The following DLC1 variants were observed in gnomAD, a reference collection of about 807,000 sequenced individuals.
DLC1 encodes the protein DLC1 Rho GTPase activating protein.
DLC1 carries 54 observed loss-of-function variants against 140.3 expected under a neutral mutation model. The observed-to-expected ratio is 0.38, with a 90% CI of 0.31 to 0.48. The LOEUF (loss-of-function observed/expected upper bound fraction) is 0.48, where lower values mean the gene tolerates loss of function less well. DLC1 is among the 20% of genes least tolerant of loss of function. The pLI, the probability that DLC1 is intolerant of heterozygous loss-of-function variation, is 0.96. For missense variants in DLC1, 2,536 were observed against 1,907.0 expected, an observed-to-expected ratio of 1.33 and a Z score of -6.14; for synonymous variants, 986 against 728.1, an observed-to-expected ratio of 1.35 and a Z score of -5.70.
At chr8:13,577,991 G>C (rs1804905350) in intron 1 of DLC1, among the ~76,000 whole-genome samples, 1 of 150,232 alleles carries the variant, frequency 6.7e-6, no homozygotes, top group South Asian at 2.1e-4. Context: ...TAACACTGAG[G>C]ATCAGGTTCT....
intron 6 of DLC1, among the ~76,000 whole-genome samples, chr8:13,112,237 T>G (rs2128948090): frequency 6.6e-6 from 1 of 152,340 alleles, no homozygotes; most frequent in South Asian, 2.1e-4. Flanking sequence ...TGTCAGCAGT[T>G]TTGGAGACGC....
In DLC1 at chr8:13,579,531, A is replaced by G. The variant is rs1437941142; in HGVS notation, c.-126+25006T>C. Reference sequence around the variant, plus strand: ...TTATATATTTAATATATTATATTTTATATTATATATTTAATATATTATATT... The same window carrying G: ...TTATATATTTAATATATTATATTTTGTATTATATATTTAATATATTATATT... On this transcript the variant is annotated intron_variant, in intron 1 of 1. Coordinates refer to the DLC1 transcript ENST00000631382. Among the ~76,000 whole-genome samples, 913 of 111,708 alleles carry G rather than the reference A, an allele frequency of 8.2e-3. 70 individuals are homozygous for G. Among genetic ancestry groups the G allele is most frequent in the East Asian group, 0.059 (219 of 3,706 alleles). The allele number at this position is 111,708 out of a possible 152,430, so 73.3% of individuals were successfully genotyped here.
chr8:13,527,088 A>C (rs1802942489), intron 1 of DLC1, among the ~76,000 whole-genome samples: 1 of 152,198 alleles, frequency 6.6e-6, no homozygotes, highest in Non-Finnish European at 1.5e-5. Context: ...ATTGTACGTG[A>C]ATAGGCAGTT....
intron 4 of DLC1, among the ~76,000 whole-genome samples, chr8:13,374,028 T>G (rs80137693): frequency 0.025 from 3,878 of 152,246 alleles, 170 homozygotes; most frequent in African/African-American, 0.086. Context: ...AGAAAAAGTG[T>G]GAATGAAGGA....
chr8:13,591,529 C>A (rs532306106), intron 1 of DLC1, among the ~76,000 whole-genome samples: 4 of 152,160 alleles, frequency 2.6e-5, no homozygotes, highest in African/African-American at 7.2e-5. Context: ...CATGCAGAAC[C>A]GTGAGTCAAT....
At chr8:13,194,534 G>A (rs1356875028) in intron 5 of DLC1, among the ~76,000 whole-genome samples, 1 of 152,244 alleles carries the variant, frequency 6.6e-6, no homozygotes, top group Non-Finnish European at 1.5e-5. Context: ...GTTTGCAAAT[G>A]CTGTTTGGAA....
intron 1 of DLC1, among the ~76,000 whole-genome samples, chr8:13,527,754 G>A (rs1412243279): frequency 2.0e-5 from 3 of 152,062 alleles, no homozygotes; most frequent in South Asian, 4.1e-4. Context: ...GAAATAAAAT[G>A]TTTTCACCAC....
At chr8:13,138,249 A>G (rs577080436) in intron 5 of DLC1, among the ~76,000 whole-genome samples, 1 of 152,212 alleles carries the variant, frequency 6.6e-6, no homozygotes, top group Admixed American at 6.5e-5. Context: ...GAAGACAGCC[A>G]TCATTAGGGC....
intron 4 of DLC1, among the ~76,000 whole-genome samples, chr8:13,322,478 T>C (rs1236970482): frequency 1.4e-5 from 1 of 70,686 alleles, no homozygotes; most frequent in Non-Finnish European, 3.1e-5. Context: ...GGATTTCATA[T>C]ACATCTGACA....
intron 5 of DLC1, among the ~76,000 whole-genome samples, chr8:13,260,972 G>T (rs2117329974): frequency 6.6e-6 from 1 of 152,338 alleles, no homozygotes. Flanking sequence ...TTGGCAATCT[G>T]TGTGTATGCC....
intron 4 of DLC1, among the ~76,000 whole-genome samples, chr8:13,383,062 A>G (rs991390737): frequency 4.6e-5 from 7 of 152,228 alleles, no homozygotes; most frequent in African/African-American, 1.7e-4. Context: ...TTGGACCACC[A>G]AAGTATCACA....
chr8:13,555,178 G>GA (rs766921149), intron 1 of DLC1, among the ~76,000 whole-genome samples: 2 of 152,150 alleles, frequency 1.3e-5, no homozygotes, highest in Non-Finnish European at 2.9e-5. Flanking sequence ...AATTTAAAAT[G>GA]ACAATGCTCC....
At chr8:13,151,454 C>T (rs1823805893) in intron 5 of DLC1, among the ~76,000 whole-genome samples, 2 of 152,302 alleles carry the variant, frequency 1.3e-5, no homozygotes, top group South Asian at 2.1e-4. Flanking sequence ...AGAACTGAGA[C>T]TCCAACCCAG....
At chr8:13,417,977 T>A (rs1371323171) in intron 2 of DLC1, among the ~76,000 whole-genome samples, 2 of 152,224 alleles carry the variant, frequency 1.3e-5, no homozygotes, top group Non-Finnish European at 2.9e-5. Flanking sequence ...ATGATGAGCA[T>A]TTTTTCATGT....
Position 13,122,533 on chromosome 8 carries a change from C to T in DLC1, c.1349-6876G>A, listed in dbSNP as rs998593457. The stretch of plus-strand genomic sequence containing the variant: ...ATTACTATTTTCCTTTCTTTAAAGG[C>T]AGACTGAAAACGATGACTTGAATCT... On this transcript the variant is annotated intron_variant, in intron 5 of 17. Transcript: ENST00000276297. 5.9e-5 allele frequency among the ~76,000 whole-genome samples: 9 copies of T among 151,984 alleles called. 1 individual carries two copies. The South Asian group carries it at 1.9e-3, about 32-fold the overall frequency.
intron 1 of DLC1, among the ~76,000 whole-genome samples, chr8:13,538,607 T>G (rs1221230248): frequency 6.6e-6 from 1 of 152,168 alleles, no homozygotes. Context: ...GTGTGGTGTA[T>G]CAGTGGGTGT....
At chr8:13,369,686 G>C (rs1258727430) in intron 4 of DLC1, among the ~76,000 whole-genome samples, 3 of 152,110 alleles carry the variant, frequency 2.0e-5, no homozygotes, top group East Asian at 1.9e-4. Context: ...TACCAGCACT[G>C]CTGCTAGCTA....
chr8:13,572,091 A>ATTTT (rs773027065), intron 1 of DLC1, among the ~76,000 whole-genome samples: 19 of 56,316 alleles, frequency 3.4e-4, no homozygotes, highest in Non-Finnish European at 3.6e-4. Context: ...TATTATTATT[A>ATTTT]TTTATTTTTT....
At chr8:13,516,886 C>T (rs919510685), upstream of DLC1, among the ~76,000 whole-genome samples, 1 of 152,044 alleles carries the variant, frequency 6.6e-6, no homozygotes, top group African/African-American at 2.4e-5. Context: ...TACAAAGTGC[C>T]CAGGTCCACA....
Sources: allele counts gnomAD v4.1 joint callset (sites outside exome capture counted in the v4.1 genomes callset), GRCh38; gene constraint gnomAD v4.1.1; transcripts MANE v1.5; gene names NCBI Gene and HGNC (gene_info 2026-07-23, HGNC 2026-07-21).